Variants in E2F5 observed in about 807,000 individuals in gnomAD.
E2F5 encodes the protein transcription factor E2F5.
In E2F5, 23 loss-of-function variants were observed where a neutral mutation model predicts 39.1. That is an observed-to-expected ratio of 0.59 (90% CI 0.42 to 0.83). The LOEUF (loss-of-function observed/expected upper bound fraction) is 0.83. Among genes scored for constraint, E2F5 ranks in the 40% least tolerant of loss-of-function variants. The probability of loss-of-function intolerance (pLI) is 0.00; values close to 1 mark genes in which losing one functional copy is unlikely to be tolerated. For missense variants in E2F5, 365 were observed against 406.7 expected (o/e 0.90, Z 0.88); for synonymous variants, 145 against 157.8 (o/e 0.92, Z 0.61).
intron 1 of E2F5, among the ~76,000 whole-genome samples, chr8:85,186,601 GTATA>G (rs1812340474): frequency 1.4e-5 from 2 of 146,978 alleles, no homozygotes; most frequent in Non-Finnish European, 3.0e-5. Context: ...TATATATAAA[GTATA>G]TATGGTATAT....
chr8:85,191,322 A>C (rs1276711371), intron 1 of E2F5, among the ~76,000 whole-genome samples: 1 of 152,206 alleles, frequency 6.6e-6, no homozygotes, highest in Non-Finnish European at 1.5e-5. Context: ...ACAAAATTTC[A>C]GTTAGACAAG....
At chr8:85,188,332 T>G (rs1341757114) in intron 1 of E2F5, among the ~76,000 whole-genome samples, 56 of 151,844 alleles carry the variant, frequency 3.7e-4, no homozygotes, top group African/African-American at 1.3e-3. Flanking sequence ...TTTTTTTTTT[T>G]TTTGGAGATT....
chr8:85,195,852 A>C (rs1468225256), intron 1 of E2F5, among the ~76,000 whole-genome samples: 2 of 152,172 alleles, frequency 1.3e-5, no homozygotes, highest in African/African-American at 4.8e-5. Flanking sequence ...AGATCTTAAT[A>C]ATTTATAGGT....
At chr8:85,186,740 GTA>G (rs959364151) in intron 1 of E2F5, among the ~76,000 whole-genome samples, 1 of 146,084 alleles carries the variant, frequency 6.8e-6, no homozygotes, top group Non-Finnish European at 1.5e-5. Flanking sequence ...TATATATAAG[GTA>G]TATATATGGT....
At chr8:85,209,730 T>C (rs1217237081) in intron 6 of E2F5, among the ~76,000 whole-genome samples, 2 of 152,250 alleles carry the variant, frequency 1.3e-5, no homozygotes, top group African/African-American at 2.4e-5. Context: ...TTGTGGCATA[T>C]GTAGATTTCA....
chr8:85,182,558 AAAG>A (rs1006251668), intron 1 of E2F5, among the ~76,000 whole-genome samples: 12 of 152,228 alleles, frequency 7.9e-5, no homozygotes, highest in Non-Finnish European at 1.5e-4. Context: ...CCAAGGTGGA[AAAG>A]AAGGAGGTAC....
In E2F5 at chr8:85,212,077, C is replaced by T. The variant is rs142778143; in HGVS notation, c.884-80C>T. 1,004 of 1,088,426 alleles carry T rather than the reference C, an allele frequency of 9.2e-4. 6 individuals are homozygous for T. In the Middle Eastern group the frequency reaches 0.015, roughly 16 times the overall value. 67.4% of individuals were successfully genotyped at this position (1,088,426 alleles called of 1,614,324 possible). ...ATAAATGTGCATGTCAGTCAAGCTG[C>T]TGCTGTGACTACTTGTGTTTAAATA... On this transcript the variant is annotated intron_variant, in intron 6 of 7. Coordinates refer to ENST00000416274, the MANE Select transcript of E2F5 (RefSeq NM_001951.4).
intron 1 of E2F5, chr8:85,178,226 T>G (rs1367882663): frequency 6.6e-6 from 1 of 151,948 alleles, no homozygotes; most frequent in African/African-American, 2.4e-5. Flanking sequence ...TAGTATTAAA[T>G]CTTCCTTGTG....
intron 1 of E2F5, among the ~76,000 whole-genome samples, chr8:85,195,311 A>T (rs996321383): frequency 6.6e-6 from 1 of 152,040 alleles, no homozygotes; most frequent in Non-Finnish European, 1.5e-5. Flanking sequence ...TGCACCCAGG[A>T]GGCGGAGGTT....
At chr8:85,183,401 G>C (rs904811210) in intron 1 of E2F5, among the ~76,000 whole-genome samples, 2 of 152,190 alleles carry the variant, frequency 1.3e-5, no homozygotes, top group Non-Finnish European at 2.9e-5. Context: ...CCACTCCTGG[G>C]TGTATACCCA....
intron 5 of E2F5, among the ~76,000 whole-genome samples, chr8:85,208,700 C>T (rs1005687388): frequency 6.6e-6 from 1 of 152,088 alleles, no homozygotes; most frequent in Non-Finnish European, 1.5e-5. Flanking sequence ...ATTTATTTCT[C>T]AGTAGGAGAA....
Position 85,213,969 on chromosome 8 carries a change from A to G in E2F5, c.*107A>G. The G allele has an allele frequency of 1.5e-6, 1 of 676,160 alleles. No individual in the cohort carries two copies. Among genetic ancestry groups the G allele is most frequent in the Non-Finnish European group, 2.5e-6 (1 of 397,064 alleles). 41.9% of individuals were successfully genotyped at this position (676,160 alleles called of 1,614,324 possible). ...ATGAATGTAACACCTTTTTTAGTTCACTGATTCTGAAGTGTTCTTCCCTAA... is the reference window on the plus strand; with the variant it reads ...ATGAATGTAACACCTTTTTTAGTTCGCTGATTCTGAAGTGTTCTTCCCTAA... On this transcript the variant is annotated 3_prime_UTR_variant, in exon 8 of 8. Coordinates refer to ENST00000416274, the MANE Select transcript of E2F5 (RefSeq NM_001951.4).
rs1244178970 is a variant in E2F5, at chr8:85,214,197, A to G, written c.*335A>G. The stretch of plus-strand genomic sequence containing the variant: ...AGGACACTACAGGTCATCAAAAACA[A>G]GTTGGCCAAGGACTCATTACTTGTC... On this transcript the variant is annotated 3_prime_UTR_variant, in exon 8 of 8. Transcript: ENST00000416274. 1 of 535,646 alleles carries G rather than the reference A, an allele frequency of 1.9e-6. No individual in the cohort carries two copies. The highest frequency in any genetic ancestry group is 2.2e-5 in the Admixed American group (1 of 44,872). The allele number at this position is 535,646 out of a possible 1,614,324, so 33.2% of individuals were successfully genotyped here.
chr8:85,201,821 T>C (rs193196836), intron 1 of E2F5: 235 of 289,478 alleles, frequency 8.1e-4, no homozygotes, highest in African/African-American at 4.9e-3. Flanking sequence ...GGAGGTGACA[T>C]GGATAGGCAA....
At chr8:85,213,672 T>TAA (rs1813008762) in intron 7 of E2F5, 81 bp from the exon 8 acceptor site, 1 of 702,228 alleles carries the variant, frequency 1.4e-6, no homozygotes, top group African/African-American at 1.8e-5. Context: ...TTTGGAATGA[T>TAA]GTATTTGAGA....
rs776214566 is a variant in E2F5, at chr8:85,212,131, T to C, written c.884-26T>C. 5.1e-6 allele frequency: 8 copies of C among 1,578,894 alleles called. No homozygotes were observed. In the South Asian group the frequency reaches 9.0e-5, roughly 18 times the overall value. On this transcript the variant is annotated intron_variant, in intron 6 of 7. Coordinates refer to ENST00000416274, the MANE Select transcript of E2F5 (RefSeq NM_001951.4). ...GTATCTTTTACTGTTAACAGAAATA[T>C]AACAAAACTTTATTACTGTTTCCAG...
chr8:85,194,533 C>CTTTT (rs753685580), intron 1 of E2F5, among the ~76,000 whole-genome samples: 6 of 128,000 alleles, frequency 4.7e-5, no homozygotes, highest in South Asian at 2.4e-4. Context: ...GTTTGTTTCT[C>CTTTT]TTTTTTTTTT....
intron 1 of E2F5, among the ~76,000 whole-genome samples, chr8:85,199,922 C>A (rs1191426509): frequency 6.6e-6 from 1 of 152,164 alleles, no homozygotes; most frequent in Non-Finnish European, 1.5e-5. Context: ...GGGACTGGAT[C>A]TCAGTGTGTT....
intron 6 of E2F5, 139 bp downstream of exon 6, chr8:85,209,548 A>C: frequency 9.4e-7 from 1 of 1,065,466 alleles, no homozygotes; most frequent in Non-Finnish European, 1.3e-6. Context: ...ACATAATAAC[A>C]TATCTTGGGG....
Sources: allele counts gnomAD v4.1 joint callset (sites outside exome capture counted in the v4.1 genomes callset), GRCh38; gene constraint gnomAD v4.1.1; transcripts MANE v1.5; gene names NCBI Gene and HGNC (gene_info 2026-07-23, HGNC 2026-07-21).